Variants in AOPEP observed in about 807,000 individuals in gnomAD.
The protein encoded by AOPEP is aminopeptidase O.
A neutral mutation model predicts 98.1 loss-of-function variants in AOPEP; 77 were observed. The ratio of observed to expected loss-of-function variants is 0.78; its 90% CI spans 0.65 to 0.95. AOPEP has a LOEUF of 0.95. Ranked by LOEUF, AOPEP falls within the 40% of genes least tolerant of loss-of-function variation. The probability of loss-of-function intolerance (pLI) is 0.00; values close to 1 mark genes in which losing one functional copy is unlikely to be tolerated. For synonymous variants in AOPEP, 346 were observed against 365.3 expected, an observed-to-expected ratio of 0.95 and a Z score of 0.60; for missense variants, 1,024 against 1,024.7, an observed-to-expected ratio of 1.00 and a Z score of 0.01.
chr9:94,765,303 A>G (rs1273549139), intron 2 of AOPEP, among the ~76,000 whole-genome samples: 1 of 151,838 alleles, frequency 6.6e-6, no homozygotes, highest in African/African-American at 2.4e-5. Context: ...AACTGTTTTA[A>G]TATAAAAAAA....
intron 13 of AOPEP, 118 bp downstream of exon 13, chr9:95,005,734 C>G: frequency 1.3e-6 from 1 of 769,342 alleles, no homozygotes; most frequent in Non-Finnish European, 2.2e-6. Context: ...TTATAATAAA[C>G]CATAGATTTA....
At chr9:95,086,109 C>G (rs766173928) in intron 16 of AOPEP, 3 of 1,366,698 alleles carry the variant, frequency 2.2e-6, no homozygotes, top group Non-Finnish European at 2.9e-6. Flanking sequence ...GAGCAAAAAG[C>G]CTTCGTGTCT....
chr9:94,944,557 ATTTTTTATTTTTAT>A (rs2057405760), intron 7 of AOPEP, among the ~76,000 whole-genome samples: 1 of 152,146 alleles, frequency 6.6e-6, no homozygotes, highest in Non-Finnish European at 1.5e-5. Context: ...CAAAAAGTAG[ATTTTTTATTTTTAT>A]TTTTTTATTT....
At chr9:94,835,272 T>C (rs916011453) in intron 5 of AOPEP, among the ~76,000 whole-genome samples, 1 of 152,142 alleles carries the variant, frequency 6.6e-6, no homozygotes, top group African/African-American at 2.4e-5. Flanking sequence ...AGTAATTTTT[T>C]CCCCAAAACA....
rs757571360 is a variant in AOPEP at position 94,744,701 on chromosome 9, C to CAAAAA, written c.-135-14931_-135-14927dup. On this transcript the variant is annotated intron_variant, in intron 1 of 16. Coordinates refer to ENST00000375315, the MANE Select transcript of AOPEP (RefSeq NM_001193329.3). ...GGGCAACAAGAGTGAGACTCTGTCTCAAAAAAAAAAAAAAAAAAAAAGAAT... is the reference window on the plus strand; with the variant it reads ...GGGCAACAAGAGTGAGACTCTGTCTCAAAAAAAAAAAAAAAAAAAAAAAAAAGAAT... Among the ~76,000 whole-genome samples the CAAAAA allele has an allele frequency of 3.2e-4, 18 of 56,032 alleles. 1 individual carries two copies. In the East Asian group the frequency reaches 6.7e-3, roughly 21 times the overall value. The allele number at this position is 56,032 out of a possible 152,430, so 36.8% of individuals were successfully genotyped here.
At chr9:94,738,518 G>C (rs1212177472) in intron 1 of AOPEP, among the ~76,000 whole-genome samples, 5 of 152,136 alleles carry the variant, frequency 3.3e-5, no homozygotes, top group African/African-American at 4.8e-5. Flanking sequence ...ACTGTGAACA[G>C]TTTTGTACCA....
intron 5 of AOPEP, among the ~76,000 whole-genome samples, chr9:94,913,556 A>AG (rs1243208231): frequency 2.0e-5 from 3 of 152,244 alleles, no homozygotes; most frequent in Non-Finnish European, 4.4e-5. Flanking sequence ...CCCAATAGCC[A>AG]GGTGATCCCT....
chr9:94,984,516 A>G (rs1328594561), intron 11 of AOPEP, among the ~76,000 whole-genome samples: 2 of 152,214 alleles, frequency 1.3e-5, no homozygotes, highest in Non-Finnish European at 2.9e-5. Context: ...CTGTGAGAAC[A>G]CATCAGATTT....
chr9:95,072,471 C>T (rs1250275409), intron 14 of AOPEP, among the ~76,000 whole-genome samples: 1 of 151,936 alleles, frequency 6.6e-6, no homozygotes, highest in Non-Finnish European at 1.5e-5. Context: ...TTTATAGAGA[C>T]AGGGTCCCAC....
At chr9:95,038,288 C>G (rs2065004753) in intron 13 of AOPEP, among the ~76,000 whole-genome samples, 1 of 152,136 alleles carries the variant, frequency 6.6e-6, no homozygotes, top group Non-Finnish European at 1.5e-5. Context: ...TGAGCCCAGC[C>G]CAGACTGTAG....
intron 5 of AOPEP, among the ~76,000 whole-genome samples, chr9:94,876,368 C>CT (rs566693216): frequency 0.053 from 7,430 of 140,522 alleles, 221 homozygotes; most frequent in South Asian, 0.1. Context: ...CTTTTCTTTT[C>CT]TTTTTTTTTT....
intron 14 of AOPEP, among the ~76,000 whole-genome samples, chr9:95,067,322 G>A (rs2068011344): frequency 6.6e-6 from 1 of 152,160 alleles, no homozygotes; most frequent in African/African-American, 2.4e-5. Context: ...TGGATGGCAG[G>A]GTATGATATT....
chr9:94,833,718 T>C (rs761557220), intron 5 of AOPEP, among the ~76,000 whole-genome samples: 8 of 152,186 alleles, frequency 5.3e-5, no homozygotes, highest in Non-Finnish European at 1.0e-4. Flanking sequence ...TAAACTTGTA[T>C]CATTGGCCAC....
chr9:95,098,726 A>C, the AOPEP span, among the ~76,000 whole-genome samples: 1 of 152,224 alleles, frequency 6.6e-6, no homozygotes. Context: ...CGAGGCCTTC[A>C]GCTTCAGGGA....
At position 94,955,202 on chromosome 9, in the gene AOPEP, A is replaced by G. The variant is rs1396697242; in HGVS notation, c.1687A>G (p.Thr563Ala). The G allele has an allele frequency of 1.2e-6, 2 of 1,612,932 alleles. No individual in the cohort carries two copies. The highest frequency in any genetic ancestry group is 1.7e-6 in the Non-Finnish European group (2 of 1,179,666). The stretch of plus-strand genomic sequence containing the variant: ...ACCCAGTAAAGACAAAACTGGCCAC[A>G]CAAGTGACTCGGGAGCATCTGTTAT... ...LRPSKDKTGH[T>A]SDSGASVIKH... Residue 563 changes from threonine to alanine, a missense_variant, in exon 8 of 17, where the codon ACA (threonine) becomes GCA (alanine). By Grantham distance (58) the Thr-to-Ala change is moderately conservative. Around this residue, in one of 3 missense-constraint regions of AOPEP, gnomAD observed 566 missense variants for 551.7 expected, o/e 1.03. Coordinates refer to ENST00000375315, the MANE Select transcript of AOPEP (RefSeq NM_001193329.3).
At chr9:94,978,784 T>A (rs1004813) in intron 10 of AOPEP, among the ~76,000 whole-genome samples, 8,206 of 152,144 alleles carry the variant, frequency 0.054, 629 homozygotes, top group African/African-American at 0.17. Context: ...AGCAAAATAA[T>A]TTCAGCTGAC....
rs76621286 is a variant in AOPEP, at chr9:94,807,516, C to T, written c.1364+6514C>T. Among the ~76,000 whole-genome samples, 272 of 152,268 alleles carry T rather than the reference C, an allele frequency of 1.8e-3. 2 individuals are homozygous for T. The highest frequency in any genetic ancestry group is 6.3e-3 in the African/African-American group (263 of 41,540). On this transcript the variant is annotated intron_variant, in intron 5 of 16. Coordinates refer to ENST00000375315, the MANE Select transcript of AOPEP (RefSeq NM_001193329.3). Reference sequence around the variant, plus strand: ...GTCATCCTAGGTTCCTAATGTCTTCCAGTCCTTGAGCCTGAGACGGCCAGT... The same window carrying T: ...GTCATCCTAGGTTCCTAATGTCTTCTAGTCCTTGAGCCTGAGACGGCCAGT...
At chr9:94,992,300 T>C (rs922477880) in intron 11 of AOPEP, among the ~76,000 whole-genome samples, 1 of 152,210 alleles carries the variant, frequency 6.6e-6, no homozygotes, top group African/African-American at 2.4e-5. Context: ...AAGGAGTCTG[T>C]TGCAATCATT....
chr9:95,149,518 G>T, the AOPEP span, among the ~76,000 whole-genome samples: 1 of 148,714 alleles, frequency 6.7e-6, no homozygotes, highest in Non-Finnish European at 1.5e-5. Flanking sequence ...TCGCTCTGTT[G>T]CCCAGGCTGG....
Sources: allele counts gnomAD v4.1 joint callset (sites outside exome capture counted in the v4.1 genomes callset), GRCh38; gene constraint gnomAD v4.1.1; regional missense constraint gnomAD v4.1.1; transcripts MANE v1.5; gene names NCBI Gene and HGNC (gene_info 2026-07-23, HGNC 2026-07-21).